Variants in NEK2 observed in about 807,000 individuals in gnomAD.
NEK2 encodes the protein serine/threonine-protein kinase Nek2.
A neutral mutation model predicts 54.1 loss-of-function variants in NEK2; 28 were observed. That is an observed-to-expected ratio of 0.52 (90% CI 0.38 to 0.71). The LOEUF is 0.71. Among genes scored for constraint, NEK2 ranks in the 30% least tolerant of loss-of-function variants. NEK2 has a pLI of 0.00. For missense variants in NEK2, 407 were observed against 531.5 expected (o/e 0.77, Z 2.30); for synonymous variants, 176 against 193.1 (o/e 0.91, Z 0.73).
In NEK2 at chr1:211,673,812, G is replaced by GA. The variant is rs565720721; in HGVS notation, c.315-90dup. 4,763 of 1,255,204 alleles carry GA rather than the reference G, an allele frequency of 3.8e-3. 36 individuals carry two copies. The highest frequency in any genetic ancestry group is 0.023 in the South Asian group (1,499 of 64,932). The allele number at this position is 1,255,204 out of a possible 1,614,324, so 77.8% of individuals were successfully genotyped here. On this transcript the variant is annotated intron_variant, in intron 2 of 7. Transcript: ENST00000366999. Reference sequence around the variant, plus strand: ...ATAAATTATCCAGTGTACAAATAGGGAATTTATTTATTTATTTATTTATAT... The same window carrying GA: ...ATAAATTATCCAGTGTACAAATAGGGAAATTTATTTATTTATTTATTTATAT...
At chr1:211,668,102 T>G (rs1057282585) in intron 6 of NEK2, among the ~76,000 whole-genome samples, 1 of 152,050 alleles carries the variant, frequency 6.6e-6, no homozygotes, top group Non-Finnish European at 1.5e-5. Flanking sequence ...AAGAAAAAGC[T>G]TTCTTATTTT....
chr1:211,661,474 AT>A (rs1348724530), downstream of NEK2, among the ~76,000 whole-genome samples: 1 of 152,192 alleles, frequency 6.6e-6, no homozygotes, highest in Non-Finnish European at 1.5e-5. Flanking sequence ...TGGTTTGGGG[AT>A]TCAATCGAAA....
At chr1:211,660,452 A>G, downstream of NEK2, 3 of 705,152 alleles carry the variant, frequency 4.3e-6, no homozygotes, top group Non-Finnish European at 7.9e-6. Context: ...ACCACCAGCC[A>G]GCTGCATTTG....
chr1:211,666,759 A>G, intron 7 of NEK2: 1 of 451,692 alleles, frequency 2.2e-6, no homozygotes, highest in Non-Finnish European at 2.9e-6. Flanking sequence ...AGATTGTGCC[A>G]CTGCACTCCA....
chr1:211,669,584 C>A (rs1049075213), intron 5 of NEK2: 10 of 465,112 alleles, frequency 2.2e-5, no homozygotes, highest in Non-Finnish European at 3.9e-5. Context: ...TAAGAAGGTT[C>A]AATCCCTGAA....
At chr1:211,668,935 G>A (rs773610033) in intron 6 of NEK2, among the ~76,000 whole-genome samples, 178 bp downstream of exon 6, 5 of 152,132 alleles carry the variant, frequency 3.3e-5, no homozygotes, top group Non-Finnish European at 5.9e-5. Flanking sequence ...CAACATGAAG[G>A]TGCCAGCAAG....
chr1:211,669,591 T>A (rs1420260337), intron 5 of NEK2: 1 of 449,392 alleles, frequency 2.2e-6, no homozygotes, highest in Non-Finnish European at 4.0e-6. Context: ...GTTCAATCCC[T>A]GAAGATTGGC....
chr1:211,659,474 C>T (rs1387437874), downstream of NEK2, among the ~76,000 whole-genome samples: 1 of 152,162 alleles, frequency 6.6e-6, no homozygotes, highest in African/African-American at 2.4e-5. Flanking sequence ...TATACACTGA[C>T]AGGAGCATTC....
chr1:211,672,357 T>C (rs143524718), intron 3 of NEK2, among the ~76,000 whole-genome samples: 477 of 152,254 alleles, frequency 3.1e-3, no homozygotes, highest in African/African-American at 0.01. Context: ...GAATAATTCA[T>C]ACAAAGATAT....
downstream of NEK2, among the ~76,000 whole-genome samples, chr1:211,658,266 C>T (rs546150503): frequency 6.6e-6 from 1 of 151,746 alleles, no homozygotes; most frequent in Non-Finnish European, 1.5e-5. Context: ...TTTAAAAATT[C>T]TTTAAAAGAT....
chr1:211,663,714 T>C, intron 7 of NEK2, 62 bp from the exon 8 acceptor site: 1 of 1,467,202 alleles, frequency 6.8e-7, no homozygotes. Context: ...TCCTTCATAC[T>C]TATACTTATC....
In NEK2 at chr1:211,675,521, C is replaced by T; in HGVS notation, c.-42G>A. On this transcript the variant is annotated 5_prime_UTR_variant, in exon 1 of 8. Coordinates refer to ENST00000366999, the MANE Select transcript of NEK2 (RefSeq NM_002497.4). Reference sequence around the variant, plus strand: ...GAGTCGCGCTGCCTCACGCAGGTTGCGCCGCCAAGTGCGGAGCTCCAGGGA... The same window carrying T: ...GAGTCGCGCTGCCTCACGCAGGTTGTGCCGCCAAGTGCGGAGCTCCAGGGA... 6.4e-7 allele frequency: 1 copy of T among 1,563,590 alleles called. No homozygotes were observed. The highest frequency in any genetic ancestry group is 8.8e-7 in the Non-Finnish European group (1 of 1,136,564).
At chr1:211,665,534 G>C (rs1655150732) in intron 7 of NEK2, among the ~76,000 whole-genome samples, 1 of 152,010 alleles carries the variant, frequency 6.6e-6, no homozygotes, top group Admixed American at 6.6e-5. Flanking sequence ...CTCTGCAATG[G>C]GTTTGATGCA....
intron 6 of NEK2, 149 bp from the exon 7 acceptor site, chr1:211,667,380 C>A: frequency 1.6e-6 from 1 of 645,008 alleles, no homozygotes; most frequent in Non-Finnish European, 2.5e-6. Context: ...CTCAGTCAAC[C>A]TGATTATGTT....
At chr1:211,664,208 G>C (rs1183881315) in intron 7 of NEK2, among the ~76,000 whole-genome samples, 1 of 151,878 alleles carries the variant, frequency 6.6e-6, no homozygotes, top group Admixed American at 6.6e-5. Flanking sequence ...TCAAGTAAGA[G>C]TAGTAAAAAC....
At chr1:211,665,654 A>G (rs1042122232) in intron 7 of NEK2, among the ~76,000 whole-genome samples, 3 of 152,230 alleles carry the variant, frequency 2.0e-5, no homozygotes, top group Non-Finnish European at 4.4e-5. Flanking sequence ...GCCAGAATAA[A>G]TATTTTTATA....
intron 7 of NEK2, 38 bp downstream of exon 7, chr1:211,667,068 G>A (rs751866242): frequency 3.9e-5 from 63 of 1,612,292 alleles, no homozygotes; most frequent in Non-Finnish European, 5.1e-5. Context: ...TTCTTCATTT[G>A]TAGCACCAGC....
At chr1:211,658,619 C>T (rs1259057684), downstream of NEK2, 1 of 436,938 alleles carries the variant, frequency 2.3e-6, no homozygotes, top group Non-Finnish European at 4.5e-6. Context: ...TCACAGGAGG[C>T]TGAAGTGGGA....
At chr1:211,658,840 G>A, downstream of NEK2, 3 of 252,690 alleles carry the variant, frequency 1.2e-5, no homozygotes, top group South Asian at 1.1e-4. Context: ...TATGCCTTTG[G>A]TCATCTGAAA....
Sources: allele counts gnomAD v4.1 joint callset (sites outside exome capture counted in the v4.1 genomes callset), GRCh38; gene constraint gnomAD v4.1.1; transcripts MANE v1.5; gene names NCBI Gene and HGNC (gene_info 2026-07-23, HGNC 2026-07-21).